Variants in HECTD2 observed in about 807,000 individuals in gnomAD.
The protein encoded by HECTD2 is HECT domain E3 ubiquitin protein ligase 2.
A neutral mutation model predicts 103.2 loss-of-function variants in HECTD2; 35 were observed. That is an observed-to-expected ratio of 0.34 (90% confidence interval 0.26 to 0.45). The LOEUF (loss-of-function observed/expected upper bound fraction) is 0.45, where lower values mean the gene tolerates loss of function less well. Ranked by LOEUF, HECTD2 falls within the 20% of genes least tolerant of loss-of-function variation. The pLI is 1.00. For synonymous variants in HECTD2, 281 were observed against 329.9 expected, an observed-to-expected ratio of 0.85 and a Z score of 1.61; for missense variants, 596 against 937.4, an observed-to-expected ratio of 0.64 and a Z score of 4.76.
At chr10:91,505,349 C>T (rs1285636485) in intron 20 of HECTD2, among the ~76,000 whole-genome samples, 1 of 152,018 alleles carries the variant, frequency 6.6e-6, no homozygotes, top group Admixed American at 6.5e-5. Context: ...AGAGTCAAGA[C>T]CCATCAGTGT....
At chr10:91,510,731 AT>A (rs1847389473) in intron 20 of HECTD2, among the ~76,000 whole-genome samples, 3 of 152,296 alleles carry the variant, frequency 2.0e-5, no homozygotes, top group African/African-American at 7.2e-5. Context: ...CTGAGTTGGC[AT>A]TTTCATTTTT....
chr10:91,454,143 A>G lies in HECTD2; in HGVS notation c.269-6284A>G, dbSNP rs191108199. 2.5e-4 allele frequency among the ~76,000 whole-genome samples: 38 copies of G among 152,230 alleles called. No homozygotes were observed. The East Asian group carries it at 7.3e-3, about 29-fold the overall frequency. On this transcript the variant is annotated intron_variant, in intron 2 of 20. Coordinates refer to ENST00000298068, the MANE Select transcript of HECTD2 (RefSeq NM_182765.6). ...GGAACTAGCTAGAAAATCAACAAGTATGTAGAATATAGAATACCTCAGTGC... is the reference window on the plus strand; with the variant it reads ...GGAACTAGCTAGAAAATCAACAAGTGTGTAGAATATAGAATACCTCAGTGC...
At chr10:91,500,822 G>GT (rs1172345585) in intron 19 of HECTD2, among the ~76,000 whole-genome samples, 1 of 152,054 alleles carries the variant, frequency 6.6e-6, no homozygotes, top group Admixed American at 6.5e-5. Context: ...CTATAAGCAA[G>GT]TTTCTACAAA....
Position 91,499,159 on chromosome 10 carries a change from A to C in HECTD2, c.1950+9A>C. ...CTTCAAATGCCCTAATGGTGAGTTT[A>C]TAACTTTAAATCAAGCTTTCGGTTA... On this transcript the variant is annotated intron_variant, in intron 18 of 20. Coordinates refer to ENST00000298068, the MANE Select transcript of HECTD2 (RefSeq NM_182765.6). 1 of 1,536,242 alleles carries C rather than the reference A, an allele frequency of 6.5e-7. No individual in the cohort carries two copies. Among genetic ancestry groups the C allele is most frequent in the Middle Eastern group, 1.8e-4 (1 of 5,622 alleles).
chr10:91,424,785 A>G (rs1843494100), intron 1 of HECTD2, among the ~76,000 whole-genome samples: 1 of 152,110 alleles, frequency 6.6e-6, no homozygotes. Context: ...TTAGAAAAAC[A>G]TAAACTCTAA....
Position 91,485,188 on chromosome 10 carries a change from A to G in HECTD2, c.979A>G (p.Asn327Asp). 2 of 1,546,604 alleles carry G rather than the reference A, an allele frequency of 1.3e-6. No individual in the cohort carries two copies. The highest frequency in any genetic ancestry group is 1.8e-6 in the Non-Finnish European group (2 of 1,136,666). ...AKVLALLNTA[N>D]NLVHPPLIPY... is the part of the protein sequence containing the mutation. ...AGAATTTATCTTTACAGATACTGCA[A>G]ACAATTTAGTTCACCCTCCCCTTAT... Residue 327 changes from asparagine (N) to aspartate (D), a missense_variant, in exon 10 of 21, where the codon AAC (asparagine) becomes GAC (aspartate). Coordinates refer to ENST00000298068, the MANE Select transcript of HECTD2 (RefSeq NM_182765.6).
At chr10:91,491,167 A>G in intron 11 of HECTD2, 33 bp from the exon 12 acceptor site, 1 of 1,126,410 alleles carries the variant, frequency 8.9e-7, no homozygotes, top group Non-Finnish European at 1.3e-6. Context: ...AGTCTAAGTA[A>G]AAGCAAAACT....
chr10:91,418,836 C>A (rs1843236052), intron 1 of HECTD2, among the ~76,000 whole-genome samples: 1 of 152,078 alleles, frequency 6.6e-6, no homozygotes, highest in African/African-American at 2.4e-5. Flanking sequence ...TAAATGTTTT[C>A]TATTTTAACT....
intron 20 of HECTD2, among the ~76,000 whole-genome samples, chr10:91,510,465 A>T (rs1230768096): frequency 1.3e-5 from 2 of 152,200 alleles, no homozygotes; most frequent in Non-Finnish European, 2.9e-5. Context: ...TTCTTCAATA[A>T]ACATTTTCAT....
chr10:91,498,346 A>G (rs1197986647), intron 16 of HECTD2, among the ~76,000 whole-genome samples, 164 bp downstream of exon 16: 2 of 152,230 alleles, frequency 1.3e-5, no homozygotes, highest in African/African-American at 4.8e-5. Flanking sequence ...ACATGTGTAG[A>G]TGAGCAGTCA....
In HECTD2 at chr10:91,468,662, T is replaced by C. The variant is rs146175460; in HGVS notation, c.600+6478T>C. On this transcript the variant is annotated intron_variant, in intron 5 of 20. Coordinates refer to ENST00000298068, the MANE Select transcript of HECTD2 (RefSeq NM_182765.6). ...AATATAAGGAATCTAAAGAATACAA[T>C]AAAATAATACAGGAGATAAAAGATG... Among the ~76,000 whole-genome samples, 15 of 152,078 alleles carry C rather than the reference T, an allele frequency of 9.9e-5. No individual in the cohort carries two copies. The East Asian group carries it at 2.7e-3, about 27-fold the overall frequency.
upstream of HECTD2, chr10:91,410,319 C>CAGCGGCGGCTAGA (rs543267078): frequency 4.2e-3 from 1,840 of 438,338 alleles, 43 homozygotes; most frequent in African/African-American, 0.037. Flanking sequence ...GTGGCGGCGG[C>CAGCGGCGGCTAGA]AGCGGCGGCT....
chr10:91,429,001 A>G (rs1479851574), intron 2 of HECTD2, among the ~76,000 whole-genome samples: 1 of 152,044 alleles, frequency 6.6e-6, no homozygotes. Flanking sequence ...TCAGTGTGAT[A>G]TTGGCTGTGG....
At chr10:91,456,346 G>A (rs1845091405) in intron 2 of HECTD2, among the ~76,000 whole-genome samples, 1 of 152,090 alleles carries the variant, frequency 6.6e-6, no homozygotes. Flanking sequence ...AATTGTGAAT[G>A]GGAGTTCACT....
chr10:91,440,233 A>C (rs565685585), intron 2 of HECTD2, among the ~76,000 whole-genome samples: 1 of 152,270 alleles, frequency 6.6e-6, no homozygotes, highest in African/African-American at 2.4e-5. Flanking sequence ...AATAGCTCTT[A>C]TTAAGAGAAA....
At chr10:91,422,689 C>T (rs1413566582) in intron 1 of HECTD2, among the ~76,000 whole-genome samples, 1 of 151,994 alleles carries the variant, frequency 6.6e-6, no homozygotes, top group Non-Finnish European at 1.5e-5. Flanking sequence ...TTTAATTTAC[C>T]AATATTATGC....
chr10:91,509,187 G>T (rs1169559122), intron 20 of HECTD2, among the ~76,000 whole-genome samples: 1 of 151,580 alleles, frequency 6.6e-6, no homozygotes, highest in Non-Finnish European at 1.5e-5. Context: ...TGACGGGTTA[G>T]TGGGTGCAGC....
chr10:91,426,057 T>C (rs1843546683), intron 2 of HECTD2, among the ~76,000 whole-genome samples: 1 of 152,010 alleles, frequency 6.6e-6, no homozygotes. Flanking sequence ...ATGCCCACAA[T>C]ACATTGTAAA....
Position 91,514,013 on chromosome 10 carries a change from G to C in HECTD2, c.*1629G>C, listed in dbSNP as rs1847522293. 6.6e-6 allele frequency: 1 copy of C among 152,488 alleles called. No homozygotes were observed. Among genetic ancestry groups the C allele is most frequent in the African/African-American group, 2.4e-5 (1 of 41,410 alleles). 9.4% of individuals were successfully genotyped at this position (152,488 alleles called of 1,614,324 possible). A position where few individuals can be genotyped will look rare whatever the true frequency, so the allele number is the denominator to read the frequency against. On this transcript the variant is annotated 3_prime_UTR_variant, in exon 21 of 21. Coordinates refer to ENST00000298068, the MANE Select transcript of HECTD2 (RefSeq NM_182765.6). Reference sequence around the variant, plus strand: ...AGCCTAAGAGAGTTAAAGGCATCCTGGTTTTGTTTCATTTTGCTCTGTTTT... The same window carrying C: ...AGCCTAAGAGAGTTAAAGGCATCCTCGTTTTGTTTCATTTTGCTCTGTTTT...
Sources: allele counts gnomAD v4.1 joint callset (sites outside exome capture counted in the v4.1 genomes callset), GRCh38; gene constraint gnomAD v4.1.1; transcripts MANE v1.5; gene names NCBI Gene and HGNC (gene_info 2026-07-23, HGNC 2026-07-21).